Variants in TPH2 observed in about 807,000 individuals in gnomAD.
TPH2 encodes the protein tryptophan hydroxylase 2.
A neutral mutation model predicts 59.1 loss-of-function variants in TPH2; 27 were observed. The ratio of observed to expected loss-of-function variants is 0.46; its 90% CI spans 0.34 to 0.63. TPH2 has a LOEUF of 0.63. TPH2 is among the 30% of genes least tolerant of loss of function. TPH2 has a pLI of 0.01. For missense variants in TPH2, 523 were observed against 588.3 expected (o/e 0.89, Z 1.15); for synonymous variants, 220 against 210.5 (o/e 1.05, Z -0.39).
intron 5 of TPH2, chr12:71,962,488 G>T (rs1405500295): frequency 1.0e-6 from 1 of 984,920 alleles, no homozygotes; most frequent in East Asian, 1.1e-4. Flanking sequence ...GAGAAAATTA[G>T]AAAAAAGAAA....
intron 5 of TPH2, among the ~76,000 whole-genome samples, chr12:71,959,628 T>C (rs1871621329): frequency 3.9e-5 from 6 of 152,164 alleles, no homozygotes; most frequent in Non-Finnish European, 8.8e-5. Flanking sequence ...GATTTATGGA[T>C]CCTGCTTGGT....
chr12:71,984,711 C>T (rs181390648), intron 7 of TPH2, among the ~76,000 whole-genome samples: 1 of 152,332 alleles, frequency 6.6e-6, no homozygotes, highest in Admixed American at 6.5e-5. Context: ...AGCACTATTA[C>T]CATTCTTGCT....
At chr12:72,001,452 G>A (rs1872819290) in intron 8 of TPH2, among the ~76,000 whole-genome samples, 1 of 150,056 alleles carries the variant, frequency 6.7e-6, no homozygotes, top group Admixed American at 6.6e-5. Context: ...TTGAGACAGA[G>A]TTCTCTCTCG....
At chr12:71,949,127 T>C (rs1871277851) in intron 4 of TPH2, among the ~76,000 whole-genome samples, 1 of 152,220 alleles carries the variant, frequency 6.6e-6, no homozygotes, top group African/African-American at 2.4e-5. Flanking sequence ...AATGTGTCTA[T>C]TATTCTAAAT....
intron 5 of TPH2, among the ~76,000 whole-genome samples, chr12:71,958,756 G>T (rs1871590414): frequency 6.6e-6 from 1 of 152,194 alleles, no homozygotes; most frequent in African/African-American, 2.4e-5. Context: ...CCAGGGATGT[G>T]TCACTCTGGT....
At chr12:71,986,345 G>A (rs1872433744) in intron 7 of TPH2, among the ~76,000 whole-genome samples, 1 of 152,118 alleles carries the variant, frequency 6.6e-6, no homozygotes, top group Non-Finnish European at 1.5e-5. Flanking sequence ...ACAAGGCCAC[G>A]TTCCTAGACC....
intron 8 of TPH2, among the ~76,000 whole-genome samples, chr12:72,015,396 T>G (rs920628161): frequency 7.0e-6 from 1 of 143,402 alleles, no homozygotes; most frequent in East Asian, 2.3e-4. Context: ...CTTGGTTCAC[T>G]GCAAGCTCTG....
intron 7 of TPH2, among the ~76,000 whole-genome samples, chr12:71,991,619 G>T (rs1271313478): frequency 2.6e-5 from 4 of 152,058 alleles, no homozygotes; most frequent in East Asian, 1.9e-4. Flanking sequence ...TCCATGGTAG[G>T]TTACTTGATC....
At chr12:71,956,765 A>G (rs955314749) in intron 5 of TPH2, among the ~76,000 whole-genome samples, 1 of 151,978 alleles carries the variant, frequency 6.6e-6, no homozygotes, top group Non-Finnish European at 1.5e-5. Flanking sequence ...GCATGCCATC[A>G]TGCCTGGCTA....
chr12:72,008,225 A>C (rs544945846), intron 8 of TPH2, among the ~76,000 whole-genome samples: 1 of 152,300 alleles, frequency 6.6e-6, no homozygotes, highest in South Asian at 2.1e-4. Flanking sequence ...TTGCTGTTAC[A>C]TATGCTTACT....
chr12:72,015,572 G>A (rs879019222), intron 8 of TPH2, among the ~76,000 whole-genome samples: 3 of 152,016 alleles, frequency 2.0e-5, no homozygotes, highest in Admixed American at 6.6e-5. Flanking sequence ...ACCCGCGTCG[G>A]TCTCCCAAAG....
intron 8 of TPH2, among the ~76,000 whole-genome samples, chr12:72,005,372 T>C (rs1457464660): frequency 7.2e-6 from 1 of 138,292 alleles, no homozygotes; most frequent in African/African-American, 2.6e-5. Flanking sequence ...CTTTTCCTCT[T>C]TCTTATTAAA....
chr12:71,947,267 T>C lies in TPH2; in HGVS notation c.541-2321T>C, dbSNP rs141714002. Among the ~76,000 whole-genome samples the C allele has an allele frequency of 3.4e-3, 513 of 152,162 alleles. 5 individuals are homozygous for C. The highest frequency in any genetic ancestry group is 0.012 in the African/African-American group (484 of 41,502). On this transcript the variant is annotated intron_variant, in intron 4 of 10. Transcript: ENST00000333850. ...CAGGGCCTCTGGGAATGTGGCCAGG[T>C]TTGATGTATTATTTAAAGCTCCCAG...
At chr12:71,941,942 A>G (rs924024707) in intron 2 of TPH2, among the ~76,000 whole-genome samples, 1 of 152,210 alleles carries the variant, frequency 6.6e-6, no homozygotes, top group Non-Finnish European at 1.5e-5. Context: ...ATTAATGCAG[A>G]GTTAGCTGGT....
At position 72,031,666 on chromosome 12, in the gene TPH2, A is replaced by G. The variant is rs886049817; in HGVS notation, c.1444A>G (p.Asn482Asp). 5.0e-6 allele frequency: 8 copies of G among 1,613,538 alleles called. No individual in the cohort carries two copies. The highest frequency in any genetic ancestry group is 6.8e-6 in the Non-Finnish European group (8 of 1,179,490). ...CTTGAATACAGTGTGTGATGCTTTA[A>G]ACAAAATGAACCAATATCTGGGGAT... ...SDLNTVCDAL[N>D]KMNQYLGI Residue 482 changes from asparagine to aspartate, a missense_variant, in exon 11 of 11, where the codon AAC becomes GAC. Coordinates refer to ENST00000333850, the MANE Select transcript of TPH2 (RefSeq NM_173353.4).
rs889316262 is a variant in TPH2 at position 72,031,334 on chromosome 12, C to G, written c.1241C>G (p.Thr414Ser). Residue 414 changes from threonine to serine, a missense_variant, in exon 10 of 11, where the codon ACC becomes AGC. Thr to Ser is a moderately conservative substitution (Grantham distance 58, BLOSUM62 1). Transcript: ENST00000333850. ...TTCLQECLIT[T>S]FQEAYFVSES... ...TGCTTACAGGAATGCCTTATCACCACCTTCCAGGAAGCCTACTTTGTTTCA... is the reference window on the plus strand; with the variant it reads ...TGCTTACAGGAATGCCTTATCACCAGCTTCCAGGAAGCCTACTTTGTTTCA... The G allele has an allele frequency of 6.2e-7, 1 of 1,613,748 alleles. No individual in the cohort carries two copies. Among genetic ancestry groups the G allele is most frequent in the African/African-American group, 1.3e-5 (1 of 75,020 alleles).
chr12:72,013,125 CTT>C (rs1483133604), intron 8 of TPH2, among the ~76,000 whole-genome samples: 2 of 152,112 alleles, frequency 1.3e-5, no homozygotes, highest in Non-Finnish European at 2.9e-5. Context: ...GGATGTCCCT[CTT>C]ATATTTGATG....
chr12:71,998,456 T>C (rs1215478472), intron 8 of TPH2, among the ~76,000 whole-genome samples: 2 of 151,828 alleles, frequency 1.3e-5, no homozygotes, highest in Non-Finnish European at 2.9e-5. Flanking sequence ...ATACCATCCA[T>C]CAGTTAAAAA....
intron 2 of TPH2, 67 bp from the exon 3 acceptor site, chr12:71,944,227 A>G: frequency 1.3e-6 from 2 of 1,575,850 alleles, no homozygotes; most frequent in Non-Finnish European, 1.7e-6. Flanking sequence ...AGATGTGAAC[A>G]AGAAAAGCTC....
Sources: allele counts gnomAD v4.1 joint callset (sites outside exome capture counted in the v4.1 genomes callset), GRCh38; gene constraint gnomAD v4.1.1; transcripts MANE v1.5; gene names NCBI Gene and HGNC (gene_info 2026-07-23, HGNC 2026-07-21).